The following SOS1 variants were observed in gnomAD, a reference collection of about 807,000 sequenced individuals.
SOS1 encodes the protein SOS Ras/Rac guanine nucleotide exchange factor 1.
In SOS1, 25 loss-of-function variants were observed where a neutral mutation model predicts 157.6. That is an observed-to-expected ratio of 0.16 (90% CI 0.12 to 0.22). The LOEUF is 0.22. Ranked by LOEUF, SOS1 falls within the 10% of genes least tolerant of loss-of-function variation. The pLI is 1.00. For missense variants in SOS1, 1,237 were observed against 1,599.1 expected (o/e 0.77, Z 3.86); for synonymous variants, 528 against 534.0 (o/e 0.99, Z 0.16).
At chr2:38,987,047 T>A (rs1238818242) in intron 22 of SOS1, among the ~76,000 whole-genome samples, 2 of 152,172 alleles carry the variant, frequency 1.3e-5, no homozygotes, top group East Asian at 3.9e-4. Context: ...AGAATTTTCA[T>A]GAAAACTCCA....
intron 1 of SOS1, among the ~76,000 whole-genome samples, chr2:39,071,930 G>A (rs1216729676): frequency 1.6e-5 from 2 of 128,260 alleles, no homozygotes; most frequent in African/African-American, 2.9e-5. Flanking sequence ...TTTTCAACTT[G>A]TTTTCTTTGT....
rs1055910266 is a variant in SOS1, at chr2:38,983,838, T to C, written c.*1986A>G. 2 of 152,146 alleles carry C rather than the reference T, an allele frequency of 1.3e-5. No homozygotes were observed. The highest frequency in any genetic ancestry group is 1.9e-4 in the East Asian group (1 of 5,192). The allele number at this position is 152,146 out of a possible 1,614,324, so 9.4% of individuals were successfully genotyped here. A position where few individuals can be genotyped will look rare whatever the true frequency, so the allele number is the denominator to read the frequency against. ...TTGAATGGATGGTCTTAGGGACACTTTGCATCCAAGAGGGGATTTGAAATT... is the reference window on the plus strand; with the variant it reads ...TTGAATGGATGGTCTTAGGGACACTCTGCATCCAAGAGGGGATTTGAAATT... On this transcript the variant is annotated 3_prime_UTR_variant, in exon 23 of 23. Transcript: ENST00000402219.
Position 38,985,777 on chromosome 2 carries a change from G to T in SOS1, c.*47C>A, listed in dbSNP as rs1234076413. 1.6e-5 allele frequency: 25 copies of T among 1,609,312 alleles called. No individual in the cohort carries two copies. Among genetic ancestry groups the T allele is most frequent in the Non-Finnish European group, 2.1e-5 (25 of 1,177,300 alleles). ...GGCACATTCAGTGCATCCATTGCCA[G>T]CAATGGATTTGGGGCTAGGAAAATA... On this transcript the variant is annotated 3_prime_UTR_variant, in exon 23 of 23. Transcript: ENST00000402219.
chr2:39,053,589 C>A (rs148911550), intron 5 of SOS1, among the ~76,000 whole-genome samples: 2 of 152,198 alleles, frequency 1.3e-5, no homozygotes, highest in African/African-American at 4.8e-5. Context: ...TTTCACTCAT[C>A]GCCATAGCTT....
chr2:38,985,389 AAAAC>A lies in SOS1; in HGVS notation c.*431_*434del, dbSNP rs1403439323. The A allele has an allele frequency of 5.1e-6, 1 of 195,332 alleles. No homozygotes were observed. The highest frequency in any genetic ancestry group is 1.1e-5 in the Non-Finnish European group (1 of 94,986). The allele number at this position is 195,332 out of a possible 1,614,324, so 12.1% of individuals were successfully genotyped here. ...CTAAAGTAGAAGAGTAAAGCAAAGG[AAAAC>A]AAAGGAAGATATTAAGATCCCTGTT... On this transcript the variant is annotated 3_prime_UTR_variant, in exon 23 of 23. Transcript: ENST00000402219.
intron 1 of SOS1, among the ~76,000 whole-genome samples, chr2:39,110,039 CGTGTGTGTGTGT>C (rs779110307): frequency 1.3e-3 from 178 of 135,514 alleles, no homozygotes; most frequent in African/African-American, 4.2e-3. Flanking sequence ...TGTGTGTGTG[CGTGTGTGTGTGT>C]GTGTGTGTGT....
intron 2 of SOS1, among the ~76,000 whole-genome samples, chr2:39,063,301 A>G (rs1256301081): frequency 6.6e-6 from 1 of 150,818 alleles, no homozygotes; most frequent in African/African-American, 2.4e-5. Context: ...TTTACTTTTT[A>G]TTAGGTATTA....
At chr2:39,117,537 G>C (rs1673699106) in intron 1 of SOS1, among the ~76,000 whole-genome samples, 1 of 152,202 alleles carries the variant, frequency 6.6e-6, no homozygotes, top group South Asian at 2.1e-4. Flanking sequence ...AATCCAGTCA[G>C]AAAAGCAGGA....
intron 4 of SOS1, among the ~76,000 whole-genome samples, chr2:39,056,361 G>T (rs1025462142): frequency 3.9e-5 from 6 of 152,064 alleles, no homozygotes; most frequent in Non-Finnish European, 8.8e-5. Context: ...AGGTTGCAGT[G>T]AGCCAAGACT....
intron 6 of SOS1, among the ~76,000 whole-genome samples, chr2:39,046,307 G>C (rs1670781669): frequency 6.6e-6 from 1 of 151,898 alleles, no homozygotes; most frequent in African/African-American, 2.4e-5. Context: ...AATTTTTCAA[G>C]TTATTCTTCT....
chr2:39,063,615 CA>C (rs1558495967), intron 2 of SOS1, among the ~76,000 whole-genome samples: 1 of 152,134 alleles, frequency 6.6e-6, no homozygotes, highest in Non-Finnish European at 1.5e-5. Context: ...ATCTGTAGTA[CA>C]ATTTATCAAA....
At chr2:39,088,933 GCA>G (rs1289259113) in intron 1 of SOS1, among the ~76,000 whole-genome samples, 7 of 152,126 alleles carry the variant, frequency 4.6e-5, no homozygotes, top group Admixed American at 4.6e-4. Context: ...CACCAGCAAT[GCA>G]CAGTTTCCAA....
rs113296340 is a variant in SOS1 at position 39,119,817 on chromosome 2, G to A, written c.87+519C>T. On this transcript the variant is annotated intron_variant, in intron 1 of 22. Transcript: ENST00000402219. ...ACCAGCCCCTGTTAATCGGAGGAGC[G>A]GGGGAAACCAGGAGAATGAGGAGTG... Among the ~76,000 whole-genome samples the A allele has an allele frequency of 6.6e-3, 1,000 of 152,294 alleles. 12 individuals carry two copies. Among genetic ancestry groups the A allele is most frequent in the African/African-American group, 0.023 (945 of 41,558 alleles).
intron 2 of SOS1, among the ~76,000 whole-genome samples, chr2:39,064,158 T>G (rs936931654): frequency 6.6e-6 from 1 of 152,166 alleles, no homozygotes; most frequent in Non-Finnish European, 1.5e-5. Flanking sequence ...CTCCTTAAAT[T>G]GATGTATAAA....
chr2:39,073,291 G>C (rs1558500912), intron 1 of SOS1, among the ~76,000 whole-genome samples: 3 of 152,100 alleles, frequency 2.0e-5, no homozygotes, highest in Non-Finnish European at 4.4e-5. Flanking sequence ...AACTATGTGG[G>C]TTTTCCCGGT....
At chr2:39,046,223 T>C (rs1401426732) in intron 6 of SOS1, among the ~76,000 whole-genome samples, 1 of 152,152 alleles carries the variant, frequency 6.6e-6, no homozygotes, top group Admixed American at 6.6e-5. Context: ...CTGTACATTA[T>C]AAGCTACAGG....
chr2:39,052,026 T>C (rs988776584), intron 5 of SOS1, among the ~76,000 whole-genome samples: 1 of 152,188 alleles, frequency 6.6e-6, no homozygotes, highest in African/African-American at 2.4e-5. Context: ...TATGATTTTT[T>C]TGGAAGGTGG....
At position 39,051,235 on chromosome 2, in the gene SOS1, T is replaced by G; in HGVS notation, c.773A>C (p.Lys258Thr). ...RIVDIHELSV[K>T]LLGHIEDTVE... is the part of the protein sequence containing the mutation. Reference sequence around the variant, plus strand: ...TGTATCTTCTATATGGCCCAGTAACTTTACACTAAGTTCATGTATATCTAC... The same window carrying G: ...TGTATCTTCTATATGGCCCAGTAACGTTACACTAAGTTCATGTATATCTAC... Residue 258 changes from lysine to threonine, a missense_variant, in exon 6 of 23, where the codon AAG becomes ACG. Coordinates refer to ENST00000402219, the MANE Select transcript of SOS1 (RefSeq NM_005633.4). 6.2e-7 allele frequency: 1 copy of G among 1,612,428 alleles called. No homozygotes were observed. Among genetic ancestry groups the G allele is most frequent in the Non-Finnish European group, 8.5e-7 (1 of 1,178,514 alleles).
intron 10 of SOS1, among the ~76,000 whole-genome samples, chr2:39,019,669 T>G (rs979881184): frequency 6.6e-6 from 1 of 151,702 alleles, no homozygotes; most frequent in Non-Finnish European, 1.5e-5. Context: ...ATTTAAATTT[T>G]TCTTTCCACA....
Sources: gnomAD v4.1 joint callset for allele counts (sites outside exome capture counted in the v4.1 genomes callset) on GRCh38, gnomAD v4.1.1 for gene constraint, MANE v1.5 for transcripts, NCBI Gene and HGNC (gene_info 2026-07-23, HGNC 2026-07-21) for gene names.